The following ABCA13 variants were observed in gnomAD, a reference collection of about 807,000 sequenced individuals.
ABCA13 encodes ATP binding cassette subfamily A member 13.
Under a neutral mutation model 478.7 loss-of-function variants are expected in ABCA13, and 476 were observed. That is an observed-to-expected ratio of 0.99 (90% confidence interval 0.92 to 1.07). The LOEUF is 1.07. Among genes scored for constraint, ABCA13 ranks in the 50% least tolerant of loss-of-function variants. ABCA13 has a pLI of 0.00. For synonymous variants in ABCA13, 2,252 were observed against 2,158.9 expected (o/e 1.04, Z -1.20); for missense variants, 6,060 against 5,910.6 (o/e 1.03, Z -0.83).
chr7:48,582,319 T>A (rs41356045), intron 56 of ABCA13, among the ~76,000 whole-genome samples: 10,250 of 152,278 alleles, frequency 0.067, 447 homozygotes, highest in African/African-American at 0.11. Context: ...AGTTCAGTCT[T>A]ATTTTTATAA....
chr7:48,525,438 A>C (rs1441736091), intron 54 of ABCA13, among the ~76,000 whole-genome samples: 1 of 152,120 alleles, frequency 6.6e-6, no homozygotes, highest in African/African-American at 2.4e-5. Flanking sequence ...CAACTGACAA[A>C]AGGCAGAGTA....
chr7:48,368,182 A>G (rs1563133305), intron 32 of ABCA13, among the ~76,000 whole-genome samples: 1 of 152,196 alleles, frequency 6.6e-6, no homozygotes, highest in Admixed American at 6.6e-5. Context: ...TCATTCAGCA[A>G]CTTTTTTAAA....
In ABCA13 at chr7:48,435,394, A is replaced by G. The variant is rs553470919; in HGVS notation, c.12565+7523A>G. 2.0e-5 allele frequency among the ~76,000 whole-genome samples: 3 copies of G among 151,848 alleles called. No homozygotes were observed. In the East Asian group the frequency reaches 5.8e-4, roughly 29 times the overall value. The stretch of plus-strand genomic sequence containing the variant: ...GGTGAATTTGTTTATGAGTACTAAC[A>G]TTTTGTGTTTATGTGTATGTATGTG... On this transcript the variant is annotated intron_variant, in intron 42 of 61. Coordinates refer to ENST00000435803, the MANE Select transcript of ABCA13 (RefSeq NM_152701.5).
chr7:48,591,720 T>C (rs1789765271), intron 57 of ABCA13, among the ~76,000 whole-genome samples: 1 of 152,022 alleles, frequency 6.6e-6, no homozygotes, highest in African/African-American at 2.4e-5. Flanking sequence ...ATTTTATTCA[T>C]TTTGATCTTA....
intron 45 of ABCA13, among the ~76,000 whole-genome samples, chr7:48,477,865 A>C (rs1193363403): frequency 1.3e-5 from 2 of 152,060 alleles, no homozygotes; most frequent in Non-Finnish European, 2.9e-5. Flanking sequence ...CATTGTGCAC[A>C]TGTACCCTAA....
chr7:48,333,522 A>G (rs150286525), intron 27 of ABCA13, among the ~76,000 whole-genome samples: 192 of 152,328 alleles, frequency 1.3e-3, no homozygotes, highest in African/African-American at 4.6e-3. Context: ...TTTCAATTGT[A>G]TCATGGGTAT....
At chr7:48,521,074 T>C (rs1226144994) in intron 53 of ABCA13, among the ~76,000 whole-genome samples, 1 of 152,118 alleles carries the variant, frequency 6.6e-6, no homozygotes, top group Non-Finnish European at 1.5e-5. Flanking sequence ...TGCACACACA[T>C]GCATTCCTAC....
chr7:48,435,147 C>A (rs1214901719), intron 42 of ABCA13, among the ~76,000 whole-genome samples: 1 of 151,794 alleles, frequency 6.6e-6, no homozygotes, highest in Non-Finnish European at 1.5e-5. Context: ...CATAGACTAT[C>A]CTTCCACCTG....
intron 57 of ABCA13, among the ~76,000 whole-genome samples, chr7:48,590,098 G>T (rs67294077): frequency 0.12 from 18,938 of 151,922 alleles, 1,395 homozygotes; most frequent in East Asian, 0.18. Context: ...CCACAGCCTG[G>T]CACCTTTCTA....
intron 42 of ABCA13, among the ~76,000 whole-genome samples, chr7:48,454,805 T>A (rs543688893): frequency 2.0e-5 from 3 of 152,300 alleles, no homozygotes; most frequent in Admixed American, 2.0e-4. Flanking sequence ...GCCCTGCTCC[T>A]GCCACGCGTT....
intron 40 of ABCA13, among the ~76,000 whole-genome samples, chr7:48,411,755 A>G (rs551776641): frequency 2.6e-5 from 4 of 152,244 alleles, no homozygotes; most frequent in African/African-American, 7.2e-5. Context: ...GCCTGTGTCA[A>G]CCGGGGGCAG....
intron 27 of ABCA13, 74 bp from the exon 28 acceptor site, chr7:48,335,348 C>A: frequency 8.9e-7 from 1 of 1,118,764 alleles, no homozygotes; most frequent in Non-Finnish European, 1.3e-6. Flanking sequence ...ACATCATATA[C>A]AGTCCTTGTT....
intron 55 of ABCA13, among the ~76,000 whole-genome samples, chr7:48,541,702 G>T (rs879925189): frequency 1.7e-4 from 21 of 127,076 alleles, no homozygotes; most frequent in Middle Eastern, 3.7e-3. Context: ...TATTTTAAAA[G>T]GGAGAAGAAA....
chr7:48,409,110 A>G (rs1458885882), intron 39 of ABCA13, among the ~76,000 whole-genome samples: 1 of 152,220 alleles, frequency 6.6e-6, no homozygotes, highest in Non-Finnish European at 1.5e-5. Flanking sequence ...ACTTGAGTAG[A>G]GTTAAAGACA....
chr7:48,538,750 AT>A (rs10711534), intron 55 of ABCA13, among the ~76,000 whole-genome samples: 21,146 of 151,908 alleles, frequency 0.14, 1,823 homozygotes, highest in African/African-American at 0.23. Flanking sequence ...CATTTAAATG[AT>A]TTTTTTTGAA....
At position 48,539,316 on chromosome 7, in the gene ABCA13, C is replaced by CT. The variant is rs71552485; in HGVS notation, c.14354+10982dup. On this transcript the variant is annotated intron_variant, in intron 55 of 61. Transcript: ENST00000435803. ...AGGCACATAATAGCTGGTCTTTAGT[C>CT]TTTTTTTTTTTGCTTTTAGCAGTTT... Among the ~76,000 whole-genome samples, 1,311 of 145,338 alleles carry CT rather than the reference C, an allele frequency of 9.0e-3. 10 individuals are homozygous for CT. Among genetic ancestry groups the CT allele is most frequent in the African/African-American group, 0.028 (1,107 of 40,144 alleles).
intron 4 of ABCA13, among the ~76,000 whole-genome samples, chr7:48,219,883 A>AACACACACACACACACAC (rs3065570): frequency 7.9e-6 from 1 of 126,510 alleles, no homozygotes; most frequent in Non-Finnish European, 1.7e-5. Context: ...ACCTTCCCCA[A>AACACACACACACACACAC]ACACACACAC....
chr7:48,293,717 A>G lies in ABCA13; in HGVS notation c.8956-1983A>G, dbSNP rs545336085. ...TTTAATTCCACATATGGTGTTTTGC[A>G]TTTTGTCAATTAATAGGTATTATTC... On this transcript the variant is annotated intron_variant, in intron 20 of 61. Transcript: ENST00000435803. Among the ~76,000 whole-genome samples the G allele has an allele frequency of 5.3e-5, 8 of 152,180 alleles. No homozygotes were observed. The South Asian group carries it at 1.7e-3, about 32-fold the overall frequency.
At chr7:48,295,991 A>G (rs1799311135) in intron 21 of ABCA13, 128 bp downstream of exon 21, 5 of 1,165,298 alleles carry the variant, frequency 4.3e-6, no homozygotes, top group Non-Finnish European at 5.6e-6. Flanking sequence ...ATATTAATAT[A>G]TATTTTCCAA....
Sources: allele counts gnomAD v4.1 joint callset (sites outside exome capture counted in the v4.1 genomes callset), GRCh38; gene constraint gnomAD v4.1.1; transcripts MANE v1.5; gene names NCBI Gene and HGNC (gene_info 2026-07-23, HGNC 2026-07-21).